ELAVL1: variants seen among roughly 807,000 people sequenced by gnomAD.
ELAVL1 encodes ELAV-like protein 1.
Under a neutral mutation model 28.4 loss-of-function variants are expected in ELAVL1, and 1 was observed. That is an observed-to-expected ratio of 0.04 (90% CI 0.01 to 0.17). The LOEUF is 0.17. Ranked by LOEUF, ELAVL1 falls within the 10% of genes least tolerant of loss-of-function variation. ELAVL1 has a pLI of 1.00. For missense variants in ELAVL1, 157 were observed against 447.2 expected, an observed-to-expected ratio of 0.35 and a Z score of 5.85; for synonymous variants, 174 against 183.5, an observed-to-expected ratio of 0.95 and a Z score of 0.42.
chr19:7,961,281 G>C lies in ELAVL1; in HGVS notation c.*2202C>G, dbSNP rs767581196. The C allele has an allele frequency of 2.0e-5, 3 of 152,258 alleles. No homozygotes were observed. The highest frequency in any genetic ancestry group is 4.4e-5 in the Non-Finnish European group (3 of 68,058). The allele number at this position is 152,258 out of a possible 1,614,324, so 9.4% of individuals were successfully genotyped here. A position where few individuals can be genotyped will look rare whatever the true frequency, so the allele number is the denominator to read the frequency against. ...ATGTGTGGGAGTGAGACTCCAGGGGGAGTTTCAGAAGCGGGAATCCCGCCT... is the reference window on the plus strand; with the variant it reads ...ATGTGTGGGAGTGAGACTCCAGGGGCAGTTTCAGAAGCGGGAATCCCGCCT... On this transcript the variant is annotated 3_prime_UTR_variant, in exon 6 of 6. Coordinates refer to ENST00000407627, the MANE Select transcript of ELAVL1 (RefSeq NM_001419.3).
chr19:7,988,431 A>T (rs17160100), intron 2 of ELAVL1, among the ~76,000 whole-genome samples: 2,050 of 152,252 alleles, frequency 0.013, 22 homozygotes, highest in Non-Finnish European at 0.022. Context: ...CCTCTGGCAT[A>T]ACCGGCTGAG....
chr19:7,990,924 A>C (rs1289856390), intron 2 of ELAVL1, among the ~76,000 whole-genome samples: 1 of 152,146 alleles, frequency 6.6e-6, no homozygotes, highest in Non-Finnish European at 1.5e-5. Context: ...GCCACTCTGT[A>C]AGGAAGGCCT....
At chr19:7,974,471 T>C (rs1985222524) in intron 3 of ELAVL1, among the ~76,000 whole-genome samples, 1 of 152,224 alleles carries the variant, frequency 6.6e-6, no homozygotes, top group South Asian at 2.1e-4. Context: ...TTTGACAAAA[T>C]GGTACATTCA....
At chr19:8,005,348 C>A (rs1262252599) in intron 1 of ELAVL1, 147 bp downstream of exon 1, 1 of 148,624 alleles carries the variant, frequency 6.7e-6, no homozygotes, top group East Asian at 1.9e-4. Context: ...CCCGCCGCGG[C>A]CCCAGCGCGC....
In ELAVL1 at chr19:7,981,377, A is replaced by C. The variant is rs1474775455; in HGVS notation, c.173-191T>G. ...TTCCTTTTTTTTTTTTTTTTTAAAG[A>C]GATAGGATCTTGCTCTGTCACCCAG... On this transcript the variant is annotated intron_variant, in intron 2 of 5. Coordinates refer to ENST00000407627, the MANE Select transcript of ELAVL1 (RefSeq NM_001419.3). This position sits in a 1 kb window ranked among gnomAD's most constrained non-coding sequence, Gnocchi z 4.2. Among the ~76,000 whole-genome samples, 1 of 147,932 alleles carries C rather than the reference A, an allele frequency of 6.8e-6. No homozygotes were observed. Among genetic ancestry groups the C allele is most frequent in the Non-Finnish European group, 1.5e-5 (1 of 67,220 alleles).
intron 2 of ELAVL1, among the ~76,000 whole-genome samples, chr19:7,988,614 C>G (rs1296485856): frequency 6.6e-6 from 1 of 152,216 alleles, no homozygotes; most frequent in Non-Finnish European, 1.5e-5. Flanking sequence ...ACAGCAGTGG[C>G]TCTCGCTAGG....
chr19:7,996,182 CCT>C (rs1491467295), intron 1 of ELAVL1, among the ~76,000 whole-genome samples: 2 of 150,586 alleles, frequency 1.3e-5, no homozygotes, highest in Non-Finnish European at 3.0e-5. Context: ...AACCCAGAAC[CCT>C]TTTTTTTTTT....
chr19:7,970,901 G>C (rs1429053094), intron 4 of ELAVL1, among the ~76,000 whole-genome samples: 1 of 152,174 alleles, frequency 6.6e-6, no homozygotes, highest in Non-Finnish European at 1.5e-5. Flanking sequence ...GTCACAGGAA[G>C]GCAAACTCCA....
At chr19:7,965,001 C>G (rs917268775) in intron 5 of ELAVL1, among the ~76,000 whole-genome samples, 4 of 152,210 alleles carry the variant, frequency 2.6e-5, no homozygotes, top group African/African-American at 9.6e-5. Context: ...CCGGGGTAAA[C>G]GAGTGCCTTC....
At chr19:7,998,248 G>A (rs2081055986) in intron 1 of ELAVL1, among the ~76,000 whole-genome samples, 1 of 151,946 alleles carries the variant, frequency 6.6e-6, no homozygotes, top group Admixed American at 6.6e-5. Flanking sequence ...ACCACAACTG[G>A]GCCTTGTCAC....
chr19:7,963,217 A>T lies in ELAVL1; in HGVS notation c.*266T>A. 2.3e-6 allele frequency: 1 copy of T among 435,428 alleles called. No homozygotes were observed. Among genetic ancestry groups the T allele is most frequent in the Non-Finnish European group, 4.1e-6 (1 of 242,410 alleles). 27.0% of individuals were successfully genotyped at this position (435,428 alleles called of 1,614,324 possible). On this transcript the variant is annotated 3_prime_UTR_variant, in exon 6 of 6. Coordinates refer to ENST00000407627, the MANE Select transcript of ELAVL1 (RefSeq NM_001419.3). The surrounding 1 kb of genome is among the most constrained non-coding windows in gnomAD (Gnocchi z 4.5). Reference sequence around the variant, plus strand: ...TCACCACCATCCAGAGGGACTGGTTAGTCAATGCAGTTCTACTTAGATTTC... The same window carrying T: ...TCACCACCATCCAGAGGGACTGGTTTGTCAATGCAGTTCTACTTAGATTTC...
At chr19:7,987,090 A>T (rs1206472732) in intron 2 of ELAVL1, among the ~76,000 whole-genome samples, 2 of 121,142 alleles carry the variant, frequency 1.7e-5, no homozygotes, top group Non-Finnish European at 3.3e-5. Context: ...ACAAGCGCCC[A>T]AGAGTAGAGC....
rs894992560 is a variant in ELAVL1 at position 7,963,569 on chromosome 19, C to T, written c.895G>A (p.Ala299Thr). The T allele has an allele frequency of 6.2e-6, 10 of 1,614,144 alleles. No individual in the cohort carries two copies. The highest frequency in any genetic ancestry group is 1.1e-5 in the South Asian group (1 of 91,092). The stretch of plus-strand genomic sequence containing the variant: ...CCGTTCAGGCTGGCTATGGCCATCG[C>T]GGCTTCTTCATAGTTTGTCATGGTC... ...FVTMTNYEEA[A>T]MAIASLNGYR... The change falls in exon 6 of 6, where the codon GCG becomes ACG. Residue 299 changes from alanine to threonine, a missense_variant. Ala to Thr is a moderately conservative substitution (Grantham distance 58). Coordinates refer to ENST00000407627, the MANE Select transcript of ELAVL1 (RefSeq NM_001419.3). This position sits in a 1 kb window ranked among gnomAD's most constrained non-coding sequence, Gnocchi z 4.5.
intron 3 of ELAVL1, among the ~76,000 whole-genome samples, chr19:7,976,645 G>T (rs747107086): frequency 1.3e-5 from 2 of 151,996 alleles, no homozygotes; most frequent in Non-Finnish European, 2.9e-5. Context: ...CCTTGGTCTC[G>T]GGCTTCCAGC....
chr19:7,974,826 C>G (rs1985234857), intron 3 of ELAVL1, among the ~76,000 whole-genome samples: 1 of 152,214 alleles, frequency 6.6e-6, no homozygotes, highest in Admixed American at 6.5e-5. Context: ...ACTCAGGAGT[C>G]ACTGGGCAGA....
Position 7,992,587 on chromosome 19 carries a change from G to A in ELAVL1, c.-16-756C>T, listed in dbSNP as rs1362157853. Among the ~76,000 whole-genome samples, 12 of 152,192 alleles carry A rather than the reference G, an allele frequency of 7.9e-5. No homozygotes were observed. The South Asian group carries it at 1.9e-3, about 24-fold the overall frequency. ...ATGGTTGCCAGCGATGCAGGTCGGC[G>A]TGGGGGGGACAACAAATAGTGGAAC... On this transcript the variant is annotated intron_variant, in intron 1 of 5. Transcript: ENST00000407627.
intron 1 of ELAVL1, among the ~76,000 whole-genome samples, chr19:8,000,525 A>G (rs2081064044): frequency 6.6e-6 from 1 of 152,240 alleles, no homozygotes; most frequent in African/African-American, 2.4e-5. Context: ...TTCAGGCTCA[A>G]TCTTGACACT....
chr19:7,969,427 C>A (rs529246052), intron 4 of ELAVL1, among the ~76,000 whole-genome samples: 2 of 152,140 alleles, frequency 1.3e-5, no homozygotes, highest in Admixed American at 1.3e-4. Flanking sequence ...CCCCCACAAT[C>A]GCGACACTGC....
Position 7,966,974 on chromosome 19 carries a change from CT to C in ELAVL1, c.656+590del. ...TTCTGCTGTTACTAGGAACTGCGTG[CT>C]GAAGCTCTAAGTGCTCACGCTCACA... On this transcript the variant is annotated intron_variant, in intron 5 of 5. Transcript: ENST00000407627. 1.3e-5 allele frequency among the ~76,000 whole-genome samples: 2 copies of C among 152,126 alleles called. 1 individual carries two copies. Among genetic ancestry groups the C allele is most frequent in the Middle Eastern group, 6.9e-3 (2 of 290 alleles).
Sources: gnomAD v4.1 joint callset for allele counts (sites outside exome capture counted in the v4.1 genomes callset) on GRCh38, gnomAD v4.1.1 for gene constraint, Gnocchi (gnomAD v3.1) non-coding constraint, MANE v1.5 for transcripts, NCBI Gene and HGNC (gene_info 2026-07-23, HGNC 2026-07-21) for gene names.